Variants in PRKD1 observed in about 807,000 individuals in gnomAD.
The protein encoded by PRKD1 is protein kinase D1.
Under a neutral mutation model 95.9 loss-of-function variants are expected in PRKD1, and 63 were observed. That is an observed-to-expected ratio of 0.66 (90% confidence interval 0.54 to 0.81). PRKD1 has a LOEUF of 0.81. Ranked by LOEUF, PRKD1 falls within the 30% of genes least tolerant of loss-of-function variation. The probability of loss-of-function intolerance (pLI) is 0.00; values close to 1 mark genes in which losing one functional copy is unlikely to be tolerated. For synonymous variants in PRKD1, 425 were observed against 423.1 expected, an observed-to-expected ratio of 1.00 and a Z score of -0.05; for missense variants, 1,048 against 1,165.3, an observed-to-expected ratio of 0.90 and a Z score of 1.47.
At chr14:29,887,704 C>T (rs1369763507) in intron 1 of PRKD1, among the ~76,000 whole-genome samples, 1 of 152,074 alleles carries the variant, frequency 6.6e-6, no homozygotes, top group East Asian at 1.9e-4. Context: ...TTTAATTGTA[C>T]CTTTTATATA....
chr14:29,887,890 C>T (rs1234688936), intron 1 of PRKD1, among the ~76,000 whole-genome samples: 1 of 152,202 alleles, frequency 6.6e-6, no homozygotes, highest in East Asian at 1.9e-4. Context: ...CAACAAAAAA[C>T]TGCCTAACAA....
chr14:29,582,061 A>T (rs55804382), intron 16 of PRKD1, among the ~76,000 whole-genome samples: 16,886 of 151,992 alleles, frequency 0.11, 1,050 homozygotes, highest in East Asian at 0.25. Context: ...ATTGAGACAC[A>T]TCAGTTCTTG....
At chr14:29,750,310 C>A (rs1446584306) in intron 1 of PRKD1, among the ~76,000 whole-genome samples, 3 of 152,070 alleles carry the variant, frequency 2.0e-5, no homozygotes, top group Non-Finnish European at 2.9e-5. Context: ...TAATGTATAA[C>A]AAAACCAATT....
intron 1 of PRKD1, among the ~76,000 whole-genome samples, chr14:29,857,057 C>G (rs528193619): frequency 1.3e-5 from 2 of 152,314 alleles, no homozygotes; most frequent in African/African-American, 4.8e-5. Flanking sequence ...GGGCAAATAT[C>G]TTAACCTCTC....
At chr14:29,623,634 T>C (rs1203561838) in intron 13 of PRKD1, among the ~76,000 whole-genome samples, 1 of 152,146 alleles carries the variant, frequency 6.6e-6, no homozygotes, top group South Asian at 2.1e-4. Context: ...AAATTCTGGT[T>C]TGAAAAAGGG....
intron 4 of PRKD1, among the ~76,000 whole-genome samples, chr14:29,646,478 T>C (rs1221486360): frequency 6.6e-6 from 1 of 152,136 alleles, no homozygotes; most frequent in African/African-American, 2.4e-5. Flanking sequence ...CATGCCTGTA[T>C]GAAAATTTCT....
At chr14:29,778,599 A>G (rs1888886030) in intron 1 of PRKD1, among the ~76,000 whole-genome samples, 1 of 152,214 alleles carries the variant, frequency 6.6e-6, no homozygotes, top group Non-Finnish European at 1.5e-5. Flanking sequence ...AAAAAGTTGA[A>G]TCCCTGAATA....
At chr14:29,826,563 AATAT>A (rs143336664) in intron 1 of PRKD1, among the ~76,000 whole-genome samples, 3 of 51,486 alleles carry the variant, frequency 5.8e-5, no homozygotes, top group Non-Finnish European at 1.3e-4. Context: ...TATATGATGG[AATAT>A]ATATATATAC....
chr14:29,679,354 T>C (rs902905024), intron 2 of PRKD1, among the ~76,000 whole-genome samples: 4 of 152,206 alleles, frequency 2.6e-5, no homozygotes, highest in Admixed American at 2.0e-4. Flanking sequence ...TCAAAAGCCA[T>C]TGTTCTCAGC....
chr14:29,706,734 T>A (rs1410797357), intron 2 of PRKD1, among the ~76,000 whole-genome samples: 2 of 152,138 alleles, frequency 1.3e-5, no homozygotes, highest in Non-Finnish European at 2.9e-5. Context: ...AATTAGGTAA[T>A]CATGGTCCCT....
At chr14:29,872,935 G>A (rs897490534) in intron 1 of PRKD1, among the ~76,000 whole-genome samples, 3 of 152,164 alleles carry the variant, frequency 2.0e-5, no homozygotes, top group Non-Finnish European at 2.9e-5. Context: ...CAAAACATCA[G>A]CACAAACAAC....
intron 16 of PRKD1, among the ~76,000 whole-genome samples, chr14:29,579,595 A>C (rs899703893): frequency 6.6e-6 from 1 of 152,156 alleles, no homozygotes; most frequent in African/African-American, 2.4e-5. Flanking sequence ...ACATGAGACC[A>C]GAGGAACAAA....
chr14:29,781,646 G>A (rs1247138234), intron 1 of PRKD1, among the ~76,000 whole-genome samples: 1 of 152,204 alleles, frequency 6.6e-6, no homozygotes, highest in Non-Finnish European at 1.5e-5. Context: ...AAAGGCAAGG[G>A]AGTCTTTAAA....
chr14:29,840,122 T>C (rs965262104), intron 1 of PRKD1, among the ~76,000 whole-genome samples: 11 of 152,168 alleles, frequency 7.2e-5, no homozygotes, highest in Non-Finnish European at 1.5e-4. Context: ...CAAACTTCTA[T>C]ACTCTGCTTC....
intron 1 of PRKD1, among the ~76,000 whole-genome samples, chr14:29,756,476 T>C (rs773712684): frequency 1.3e-5 from 2 of 152,174 alleles, no homozygotes; most frequent in Non-Finnish European, 2.9e-5. Flanking sequence ...ATCTCTACAA[T>C]TTAACTTTTA....
At position 29,784,109 on chromosome 14, in the gene PRKD1, T is replaced by C. The variant is rs1341258947; in HGVS notation, c.265-58435A>G. Among the ~76,000 whole-genome samples the C allele has an allele frequency of 2.6e-5, 4 of 152,346 alleles. No individual in the cohort carries two copies. In the South Asian group the frequency reaches 8.3e-4, roughly 32 times the overall value. On this transcript the variant is annotated intron_variant, in intron 1 of 17. Transcript: ENST00000331968. ...AGCGGTTTTATAGTTTCAGGTCTTA[T>C]ATTTAAGTCTTTAGTCCACTTTGAA...
intron 1 of PRKD1, among the ~76,000 whole-genome samples, chr14:29,846,189 G>A (rs759195598): frequency 3.3e-5 from 5 of 152,036 alleles, no homozygotes; most frequent in Admixed American, 6.6e-5. Context: ...GAGGATACAG[G>A]TATAAACAAG....
chr14:29,723,670 C>CGTGTGTGT (rs58797570), intron 2 of PRKD1, among the ~76,000 whole-genome samples: 23 of 149,542 alleles, frequency 1.5e-4, no homozygotes, highest in African/African-American at 4.9e-4. Flanking sequence ...ATTGAGTGTG[C>CGTGTGTGT]GTGTGTGTGT....
At chr14:29,870,242 G>A (rs1893054674) in intron 1 of PRKD1, among the ~76,000 whole-genome samples, 1 of 152,174 alleles carries the variant, frequency 6.6e-6, no homozygotes, top group African/African-American at 2.4e-5. Context: ...CTACAGTTCA[G>A]GAGCTGCACA....
Sources: gnomAD v4.1 joint callset for allele counts (sites outside exome capture counted in the v4.1 genomes callset) on GRCh38, gnomAD v4.1.1 for gene constraint, MANE v1.5 for transcripts, NCBI Gene and HGNC (gene_info 2026-07-23, HGNC 2026-07-21) for gene names.